RAD51B: variants seen among roughly 807,000 people sequenced by gnomAD.
The protein encoded by RAD51B is DNA repair protein RAD51 homolog 2.
In RAD51B, 38 loss-of-function variants were observed where a neutral mutation model predicts 42.2. The ratio of observed to expected loss-of-function variants is 0.90; its 90% CI spans 0.70 to 1.18. The LOEUF (loss-of-function observed/expected upper bound fraction) is 1.18, where lower values mean the gene tolerates loss of function less well. Ranked by LOEUF, RAD51B falls within the 50% of genes most tolerant of loss-of-function variation. RAD51B has a pLI of 0.00. For missense variants in RAD51B, 373 were observed against 400.7 expected (o/e 0.93, Z 0.59); for synonymous variants, 154 against 145.2 (o/e 1.06, Z -0.43).
Position 68,469,937 on chromosome 14 carries a change from G to GAGA in RAD51B, c.1036+1694_1036+1696dup, listed in dbSNP as rs568327420. ...GGATAACTTTTGGGATAACATTTGT[G>GAGA]AGAAGAAGAGTCACTGAGTTGCCTC... On this transcript the variant is annotated intron_variant, in intron 10 of 10. Coordinates refer to ENST00000471583, the MANE Select transcript of RAD51B (RefSeq NM_133510.4). Among the ~76,000 whole-genome samples, 15 of 152,322 alleles carry GAGA rather than the reference G, an allele frequency of 9.8e-5. No homozygotes were observed. In the South Asian group the frequency reaches 2.5e-3, roughly 25 times the overall value.
chr14:68,558,062 A>C (rs1888947435), intron 10 of RAD51B, among the ~76,000 whole-genome samples: 1 of 152,186 alleles, frequency 6.6e-6, no homozygotes, highest in African/African-American at 2.4e-5. Flanking sequence ...ACCCCATGAG[A>C]GCTCAAAGGC....
In RAD51B at chr14:67,902,469, A is replaced by G. The variant is rs572526500; in HGVS notation, c.756+15265A>G. Reference sequence around the variant, plus strand: ...AGAATTTTCTAAGCTCAGATAATGCACTTAACTCAATTTGTTCAGCTAAAA... The same window carrying G: ...AGAATTTTCTAAGCTCAGATAATGCGCTTAACTCAATTTGTTCAGCTAAAA... On this transcript the variant is annotated intron_variant, in intron 7 of 10. Coordinates refer to ENST00000471583, the MANE Select transcript of RAD51B (RefSeq NM_133510.4). 4.2e-4 allele frequency among the ~76,000 whole-genome samples: 64 copies of G among 152,304 alleles called. No individual in the cohort carries two copies. In the Middle Eastern group the frequency reaches 0.01, roughly 24 times the overall value.
Position 68,507,688 on chromosome 14 carries a change from T to C in RAD51B, c.1036+39438T>C, listed in dbSNP as rs551700194. ...CAATAGACACTCAGTGACTGCTAAT[T>C]AACCATGGAATATTCCATTCCACTG... On this transcript the variant is annotated intron_variant, in intron 10 of 10. Coordinates refer to the RAD51B transcript ENST00000487270. Among the ~76,000 whole-genome samples, 4 of 152,348 alleles carry C rather than the reference T, an allele frequency of 2.6e-5. No homozygotes were observed. In the East Asian group the frequency reaches 7.7e-4, roughly 29 times the overall value.
intron 9 of RAD51B, among the ~76,000 whole-genome samples, chr14:68,429,661 T>C (rs2084949432): frequency 6.6e-6 from 1 of 152,234 alleles, no homozygotes; most frequent in Non-Finnish European, 1.5e-5. Flanking sequence ...CTTTGTCAGA[T>C]GAGTAGATTG....
At chr14:68,602,522 C>CTAGATAGA (rs71129899) in intron 10 of RAD51B, among the ~76,000 whole-genome samples, 77 of 129,882 alleles carry the variant, frequency 5.9e-4, no homozygotes, top group Non-Finnish European at 9.4e-4. Flanking sequence ...AGATAGCTAG[C>CTAGATAGA]TAGATAGATA....
intron 9 of RAD51B, among the ~76,000 whole-genome samples, chr14:68,460,114 T>A (rs2085805596): frequency 6.6e-6 from 1 of 152,178 alleles, no homozygotes; most frequent in African/African-American, 2.4e-5. Context: ...GTTGGGGCTG[T>A]ATTGCAGGAA....
intron 10 of RAD51B, among the ~76,000 whole-genome samples, chr14:68,573,068 A>G (rs572962393): frequency 3.9e-4 from 60 of 152,268 alleles, no homozygotes; most frequent in African/African-American, 1.4e-3. Context: ...TTTCTGCTAC[A>G]GTCACCTCAT....
chr14:68,569,292 A>G (rs1044337266), intron 10 of RAD51B, among the ~76,000 whole-genome samples: 3 of 152,160 alleles, frequency 2.0e-5, no homozygotes, highest in Admixed American at 2.0e-4. Flanking sequence ...TCAATTGGCA[A>G]CTTAAGGAGT....
At chr14:67,917,351 G>C (rs1173449448) in intron 7 of RAD51B, among the ~76,000 whole-genome samples, 1 of 152,180 alleles carries the variant, frequency 6.6e-6, no homozygotes, top group Non-Finnish European at 1.5e-5. Context: ...GGATGGCGAA[G>C]TGGGAGCAGG....
chr14:68,019,765 A>G (rs1489571735), intron 7 of RAD51B, among the ~76,000 whole-genome samples: 2 of 152,182 alleles, frequency 1.3e-5, no homozygotes, highest in East Asian at 3.9e-4. Context: ...AAAAAGAGAC[A>G]TCTATCTTAT....
At chr14:68,101,973 A>G (rs934282583) in intron 7 of RAD51B, among the ~76,000 whole-genome samples, 17 of 152,312 alleles carry the variant, frequency 1.1e-4, no homozygotes, top group Middle Eastern at 3.4e-3. Context: ...CCAAACCCCA[A>G]TTCTTGTCTT....
intron 7 of RAD51B, among the ~76,000 whole-genome samples, chr14:68,158,438 G>A (rs2078564960): frequency 6.6e-6 from 1 of 152,226 alleles, no homozygotes; most frequent in Non-Finnish European, 1.5e-5. Context: ...CCACAGATGT[G>A]TTTAATTTCC....
At chr14:68,282,892 T>TGG (rs11410015) in intron 7 of RAD51B, among the ~76,000 whole-genome samples, 1 of 152,090 alleles carries the variant, frequency 6.6e-6, no homozygotes, top group Non-Finnish European at 1.5e-5. Context: ...TCTCAGAGGC[T>TGG]GGGGGGGACC....
At chr14:68,612,206 C>T (rs1293083475), downstream of RAD51B, among the ~76,000 whole-genome samples, 1 of 152,214 alleles carries the variant, frequency 6.6e-6, no homozygotes, top group East Asian at 1.9e-4. Flanking sequence ...AATGCTTTCA[C>T]TTGCGTGGGA....
chr14:67,985,501 T>C (rs1033879343), intron 7 of RAD51B, among the ~76,000 whole-genome samples: 1 of 152,312 alleles, frequency 6.6e-6, no homozygotes, highest in Non-Finnish European at 1.5e-5. Context: ...AGCAGTTTTT[T>C]CACTAATCTA....
chr14:68,164,671 C>T (rs17783653), intron 7 of RAD51B, among the ~76,000 whole-genome samples: 4,545 of 152,226 alleles, frequency 0.03, 85 homozygotes, highest in Non-Finnish European at 0.047. Context: ...AGCTTTGGAA[C>T]TGCTTTTGGT....
At chr14:68,191,743 A>C (rs559071817) in intron 7 of RAD51B, among the ~76,000 whole-genome samples, 1 of 152,304 alleles carries the variant, frequency 6.6e-6, no homozygotes, top group Non-Finnish European at 1.5e-5. Context: ...TCCTTAAGAG[A>C]GTTCTGCCCT....
intron 7 of RAD51B, among the ~76,000 whole-genome samples, chr14:67,938,136 C>T (rs2045024675): frequency 6.6e-6 from 1 of 152,172 alleles, no homozygotes; most frequent in African/African-American, 2.4e-5. Flanking sequence ...GAACTAATTC[C>T]AGACTAATAA....
At chr14:67,948,669 C>T (rs1321122877) in intron 7 of RAD51B, among the ~76,000 whole-genome samples, 1 of 152,016 alleles carries the variant, frequency 6.6e-6, no homozygotes, top group African/African-American at 2.4e-5. Context: ...CGGTGGCTCA[C>T]TCCTGTAATC....
Sources: allele counts gnomAD v4.1 joint callset (sites outside exome capture counted in the v4.1 genomes callset), GRCh38; gene constraint gnomAD v4.1.1; transcripts MANE v1.5; gene names NCBI Gene and HGNC (gene_info 2026-07-23, HGNC 2026-07-21).